RGL1: variants seen among roughly 807,000 people sequenced by gnomAD.
RGL1 encodes the protein ral guanine nucleotide dissociation stimulator-like 1.
RGL1 carries 24 observed loss-of-function variants against 95.2 expected under a neutral mutation model. The ratio of observed to expected loss-of-function variants is 0.25; its 90% CI spans 0.18 to 0.35. The LOEUF is 0.35. RGL1 is among the 10% of genes least tolerant of loss of function. The probability of loss-of-function intolerance (pLI) is 1.00; values close to 1 mark genes in which losing one functional copy is unlikely to be tolerated. For synonymous variants in RGL1, 329 were observed against 344.9 expected (o/e 0.95, Z 0.51); for missense variants, 715 against 936.3 (o/e 0.76, Z 3.08).
chr1:183,702,815 C>T (rs373387821), intron 1 of RGL1, among the ~76,000 whole-genome samples: 27 of 152,178 alleles, frequency 1.8e-4, no homozygotes, highest in Non-Finnish European at 2.6e-4. Context: ...AGCGCACCAA[C>T]GAACAACACA....
intron 1 of RGL1, among the ~76,000 whole-genome samples, chr1:183,672,206 T>A (rs1345347830): frequency 6.6e-6 from 1 of 152,176 alleles, no homozygotes. Flanking sequence ...GTGCTGGGAT[T>A]ACAAGCATGA....
intron 1 of RGL1, chr1:183,742,065 G>A (rs1256759564): frequency 1.1e-5 from 15 of 1,401,884 alleles, no homozygotes; most frequent in East Asian, 9.3e-5. Context: ...AATTTGCTTC[G>A]ATGTCTCTTT....
intron 2 of RGL1, among the ~76,000 whole-genome samples, chr1:183,783,774 G>A (rs1216624061): frequency 1.3e-5 from 2 of 152,166 alleles, no homozygotes; most frequent in African/African-American, 2.4e-5. Context: ...GGAGTTCAGA[G>A]GAGGGAGATG....
intron 2 of RGL1, among the ~76,000 whole-genome samples, chr1:183,793,669 G>GA (rs199852849): frequency 3.5e-4 from 52 of 149,650 alleles, no homozygotes; most frequent in African/African-American, 8.1e-4. Flanking sequence ...ACAGGTATAT[G>GA]AAAAAAAAAT....
At chr1:183,908,000 G>GAACAA (rs1289384028) in intron 14 of RGL1, among the ~76,000 whole-genome samples, 7 of 151,138 alleles carry the variant, frequency 4.6e-5, no homozygotes, top group Non-Finnish European at 8.9e-5. Flanking sequence ...CTGTCTCTAA[G>GAACAA]AACAAAACAA....
intron 2 of RGL1, among the ~76,000 whole-genome samples, chr1:183,846,485 G>A (rs188305356): frequency 6.1e-4 from 93 of 151,742 alleles, no homozygotes; most frequent in Middle Eastern, 3.4e-3. Context: ...ACCATGGCAT[G>A]TGTATACCTA....
At chr1:183,668,946 T>C (rs1272733474) in intron 1 of RGL1, among the ~76,000 whole-genome samples, 1 of 145,736 alleles carries the variant, frequency 6.9e-6, no homozygotes, top group Non-Finnish European at 1.5e-5. Flanking sequence ...TTTTCTTTTT[T>C]TTTTTTTTTG....
At chr1:183,910,286 T>TG (rs1312263531) in intron 14 of RGL1, among the ~76,000 whole-genome samples, 1 of 152,298 alleles carries the variant, frequency 6.6e-6, no homozygotes, top group East Asian at 1.9e-4. Flanking sequence ...TTGGTAGAGA[T>TG]GGGGCTTCAC....
intron 1 of RGL1, among the ~76,000 whole-genome samples, chr1:183,679,412 G>A (rs1572265296): frequency 4.1e-5 from 2 of 49,284 alleles, no homozygotes; most frequent in Admixed American, 3.3e-4. Context: ...ACAGGCCCCC[G>A]TGTGTGATGT....
intron 2 of RGL1, among the ~76,000 whole-genome samples, chr1:183,799,284 G>C (rs12747481): frequency 0.25 from 38,546 of 152,092 alleles, 5,869 homozygotes; most frequent in Middle Eastern, 0.35. Context: ...GGGAGCGCAG[G>C]TATCTCTTTG....
At position 183,782,866 on chromosome 1, in the gene RGL1, G is replaced by T. The variant is rs117602486; in HGVS notation, c.133-23509G>T. Among the ~76,000 whole-genome samples, 274 of 152,200 alleles carry T rather than the reference G, an allele frequency of 1.8e-3. 6 individuals are homozygous for T. The East Asian group carries it at 0.042, about 23-fold the overall frequency. ...TGGCAAAATGAGAGGGTAGTCAGAC[G>T]TCCATGTGTAGATCTCACTGCTTTA... On this transcript the variant is annotated intron_variant, in intron 2 of 18. Coordinates refer to the RGL1 transcript ENST00000304685.
chr1:183,855,028 G>A (rs1326010575), intron 3 of RGL1, among the ~76,000 whole-genome samples: 1 of 152,080 alleles, frequency 6.6e-6, no homozygotes, highest in South Asian at 2.1e-4. Context: ...CCCACTCAGA[G>A]ACCATGTTAG....
chr1:183,638,991 G>A (rs1183320217), intron 1 of RGL1, among the ~76,000 whole-genome samples: 1 of 152,114 alleles, frequency 6.6e-6, no homozygotes, highest in Non-Finnish European at 1.5e-5. Context: ...CAAAGACATT[G>A]AATCCTGGCT....
chr1:183,844,571 GT>G (rs1362725615), intron 2 of RGL1, among the ~76,000 whole-genome samples: 3 of 152,028 alleles, frequency 2.0e-5, no homozygotes, highest in East Asian at 1.9e-4. Context: ...GACCATAGGA[GT>G]TTTTTTTGGA....
chr1:183,771,918 G>A (rs1408661704), intron 2 of RGL1, among the ~76,000 whole-genome samples: 1 of 152,218 alleles, frequency 6.6e-6, no homozygotes, highest in Non-Finnish European at 1.5e-5. Flanking sequence ...GTGGCTGGAC[G>A]GTGAGAGGAC....
At chr1:183,777,507 G>T (rs1050620275) in intron 2 of RGL1, among the ~76,000 whole-genome samples, 6 of 152,288 alleles carry the variant, frequency 3.9e-5, no homozygotes, top group Admixed American at 1.3e-4. Flanking sequence ...GTCTCATCGT[G>T]TTCAAACATA....
At chr1:183,873,941 G>C (rs539559482) in intron 4 of RGL1, among the ~76,000 whole-genome samples, 8 of 152,294 alleles carry the variant, frequency 5.3e-5, no homozygotes, top group African/African-American at 1.9e-4. Flanking sequence ...CGGAAACTCA[G>C]TTCTAGTGGT....
At chr1:183,915,150 A>G (rs542762849) in intron 15 of RGL1, among the ~76,000 whole-genome samples, 1 of 152,358 alleles carries the variant, frequency 6.6e-6, no homozygotes, top group African/African-American at 2.4e-5. Context: ...GAGGAAATCT[A>G]CAGGAAATAA....
chr1:183,735,845 C>A (rs891100242), intron 1 of RGL1, among the ~76,000 whole-genome samples: 2 of 152,186 alleles, frequency 1.3e-5, no homozygotes, highest in African/African-American at 4.8e-5. Flanking sequence ...TTCTGGATAG[C>A]TGCTTCTCTC....
Sources: allele counts gnomAD v4.1 joint callset (sites outside exome capture counted in the v4.1 genomes callset), GRCh38; gene constraint gnomAD v4.1.1; transcripts MANE v1.5; gene names NCBI Gene and HGNC (gene_info 2026-07-23, HGNC 2026-07-21).